GRIK2: variants seen among roughly 807,000 people sequenced by gnomAD.
The protein encoded by GRIK2 is glutamate ionotropic receptor kainate type subunit 2.
GRIK2 carries 32 observed loss-of-function variants against 100.3 expected under a neutral mutation model. The observed-to-expected ratio is 0.32, with a 90% CI of 0.24 to 0.43. The LOEUF is 0.43. GRIK2 is among the 20% of genes least tolerant of loss of function. The pLI, the probability that GRIK2 is intolerant of heterozygous loss-of-function variation, is 1.00. For missense variants in GRIK2, 843 were observed against 1,114.9 expected (o/e 0.76, Z 3.47); for synonymous variants, 417 against 389.4 (o/e 1.07, Z -0.83).
At chr6:101,663,154 T>A (rs1439565260) in intron 4 of GRIK2, among the ~76,000 whole-genome samples, 1 of 152,124 alleles carries the variant, frequency 6.6e-6, no homozygotes, top group Non-Finnish European at 1.5e-5. Context: ...CAACGTTAAA[T>A]CATATTTGAT....
At chr6:101,824,544 C>T (rs1252770959) in intron 10 of GRIK2, among the ~76,000 whole-genome samples, 1 of 152,070 alleles carries the variant, frequency 6.6e-6, no homozygotes, top group Non-Finnish European at 1.5e-5. Context: ...TGTGCTATGC[C>T]TGTATAATAA....
At chr6:101,859,729 A>G (rs1050700067) in intron 11 of GRIK2, among the ~76,000 whole-genome samples, 2 of 152,184 alleles carry the variant, frequency 1.3e-5, no homozygotes, top group Non-Finnish European at 2.9e-5. Flanking sequence ...GAGATGGAAC[A>G]TTATCTCTCT....
chr6:101,620,623 A>G (rs1582839093), intron 2 of GRIK2, among the ~76,000 whole-genome samples: 1 of 152,166 alleles, frequency 6.6e-6, no homozygotes, highest in Non-Finnish European at 1.5e-5. Context: ...TTGATGAGGT[A>G]TGAATTGCTA....
chr6:102,060,523 G>A (rs114071864), intron 16 of GRIK2, among the ~76,000 whole-genome samples: 368 of 150,878 alleles, frequency 2.4e-3, no homozygotes, highest in African/African-American at 8.5e-3. Flanking sequence ...AGATAGCTAC[G>A]TATAAGCTGC....
At chr6:101,875,471 T>C (rs903232261) in intron 11 of GRIK2, among the ~76,000 whole-genome samples, 10 of 151,936 alleles carry the variant, frequency 6.6e-5, no homozygotes, top group African/African-American at 2.4e-4. Context: ...AACAGAAATG[T>C]CTCAAAGATG....
intron 14 of GRIK2, among the ~76,000 whole-genome samples, chr6:101,966,893 ATAAACT>A (rs769386216): frequency 6.6e-6 from 1 of 152,124 alleles, no homozygotes; most frequent in Non-Finnish European, 1.5e-5. Flanking sequence ...GACAATAAAA[ATAAACT>A]TAATTTTATG....
chr6:101,683,667 A>G (rs1442670603), intron 6 of GRIK2, among the ~76,000 whole-genome samples: 2 of 152,196 alleles, frequency 1.3e-5, no homozygotes, highest in Non-Finnish European at 2.9e-5. Flanking sequence ...TTAGAGCCTC[A>G]GTTAACATCT....
At chr6:101,822,824 T>A (rs1350929892) in intron 10 of GRIK2, among the ~76,000 whole-genome samples, 2 of 151,786 alleles carry the variant, frequency 1.3e-5, no homozygotes, top group Non-Finnish European at 2.9e-5. Context: ...GAAGGTGGAG[T>A]AGTTGTAGGG....
At chr6:101,530,092 G>A (rs1463122604) in intron 2 of GRIK2, among the ~76,000 whole-genome samples, 2 of 151,998 alleles carry the variant, frequency 1.3e-5, no homozygotes, top group African/African-American at 2.4e-5. Flanking sequence ...ACTACATATT[G>A]AGTCTATATA....
chr6:101,501,792 T>G (rs1343125696), intron 2 of GRIK2, among the ~76,000 whole-genome samples: 1 of 152,168 alleles, frequency 6.6e-6, no homozygotes, highest in Non-Finnish European at 1.5e-5. Flanking sequence ...GGGTCTCACT[T>G]TATCACTTAG....
At chr6:101,655,188 T>C (rs1781998486) in intron 4 of GRIK2, among the ~76,000 whole-genome samples, 1 of 152,184 alleles carries the variant, frequency 6.6e-6, no homozygotes, top group African/African-American at 2.4e-5. Flanking sequence ...TCTAGGAAGA[T>C]TAAATCACAT....
intron 2 of GRIK2, among the ~76,000 whole-genome samples, chr6:101,565,958 T>TATATATATATATAA (rs1777247995): frequency 7.0e-6 from 1 of 142,626 alleles, no homozygotes; most frequent in African/African-American, 2.6e-5. Flanking sequence ...TATATATATA[T>TATATATATATATAA]AAGCAAACTA....
chr6:101,831,286 G>T (rs1412311677), intron 10 of GRIK2, among the ~76,000 whole-genome samples: 1 of 152,062 alleles, frequency 6.6e-6, no homozygotes, highest in Non-Finnish European at 1.5e-5. Context: ...ATTATCATCA[G>T]TAGTTTTTGA....
rs536604381 is a variant in GRIK2 at position 101,490,931 on chromosome 6, G to A, written c.115+91539G>A. Among the ~76,000 whole-genome samples, 9 of 138,516 alleles carry A rather than the reference G, an allele frequency of 6.5e-5. No individual in the cohort carries two copies. In the South Asian group the frequency reaches 2.0e-3, roughly 31 times the overall value. The allele number at this position is 138,516 out of a possible 152,430, so 90.9% of individuals were successfully genotyped here. A position where few individuals can be genotyped will look rare whatever the true frequency, so the allele number is the denominator to read the frequency against. On this transcript the variant is annotated intron_variant, in intron 2 of 16. Coordinates refer to ENST00000369134, the MANE Select transcript of GRIK2 (RefSeq NM_021956.5). ...GATGGAGGGAATAACAGACATGCAT[G>A]CGTGCACATACACACACACCTTTTC...
At chr6:101,500,943 A>C (rs1372387726) in intron 2 of GRIK2, among the ~76,000 whole-genome samples, 1 of 93,488 alleles carries the variant, frequency 1.1e-5, no homozygotes, top group Admixed American at 1.0e-4. Context: ...TATTATAATT[A>C]GTCTTATTAA....
chr6:102,054,624 T>C (rs1279478076), intron 15 of GRIK2, among the ~76,000 whole-genome samples: 1 of 152,104 alleles, frequency 6.6e-6, no homozygotes, highest in African/African-American at 2.4e-5. Flanking sequence ...TTTATTTATA[T>C]TGTTGCCTCC....
chr6:101,993,914 A>G (rs1370958157), intron 14 of GRIK2: 1 of 146,226 alleles, frequency 6.8e-6, no homozygotes, highest in African/African-American at 2.6e-5. Context: ...ATATATTAAT[A>G]TACATTGTAT....
intron 14 of GRIK2, among the ~76,000 whole-genome samples, chr6:101,956,478 C>T (rs547370372): frequency 2.0e-5 from 3 of 151,984 alleles, no homozygotes; most frequent in Non-Finnish European, 2.9e-5. Context: ...ATGTGCTCAT[C>T]GCCCCAATAG....
At chr6:101,479,261 A>G (rs1772404928) in intron 2 of GRIK2, among the ~76,000 whole-genome samples, 1 of 152,116 alleles carries the variant, frequency 6.6e-6, no homozygotes, top group Non-Finnish European at 1.5e-5. Context: ...GTCTAACTTT[A>G]TTAGCATTGA....
Sources: allele counts gnomAD v4.1 joint callset (sites outside exome capture counted in the v4.1 genomes callset), GRCh38; gene constraint gnomAD v4.1.1; transcripts MANE v1.5; gene names NCBI Gene and HGNC (gene_info 2026-07-23, HGNC 2026-07-21).